MAGI2: variants seen among roughly 807,000 people sequenced by gnomAD.
The protein encoded by MAGI2 is membrane associated guanylate kinase, WW and PDZ domain containing 2, also known as membrane-associated guanylate kinase, WW and PDZ domain-containing protein 2.
A neutral mutation model predicts 133.3 loss-of-function variants in MAGI2; 35 were observed. The ratio of observed to expected loss-of-function variants is 0.26; its 90% confidence interval spans 0.20 to 0.35. MAGI2 has a LOEUF of 0.35. Ranked by LOEUF, MAGI2 falls within the 10% of genes least tolerant of loss-of-function variation. The pLI is 1.00. For missense variants in MAGI2, 1,636 were observed against 1,863.4 expected, an observed-to-expected ratio of 0.88 and a Z score of 2.25; for synonymous variants, 729 against 710.6, an observed-to-expected ratio of 1.03 and a Z score of -0.41.
intron 1 of MAGI2, among the ~76,000 whole-genome samples, chr7:79,301,242 G>A (rs1837375526): frequency 6.6e-6 from 1 of 152,216 alleles, no homozygotes; most frequent in East Asian, 1.9e-4. Context: ...AGATCCACTG[G>A]CAGCCTGGGC....
At chr7:78,570,482 G>A (rs983947132) in intron 3 of MAGI2, among the ~76,000 whole-genome samples, 3 of 152,138 alleles carry the variant, frequency 2.0e-5, no homozygotes, top group African/African-American at 7.2e-5. Flanking sequence ...GGGGAAGCAG[G>A]ACGAATCAAG....
At chr7:78,445,161 A>G (rs1788007090) in intron 6 of MAGI2, among the ~76,000 whole-genome samples, 1 of 151,868 alleles carries the variant, frequency 6.6e-6, no homozygotes, top group African/African-American at 2.4e-5. Context: ...CACTTTAGTC[A>G]CGTCTAGTGA....
At chr7:79,450,385 C>T (rs951705412) in intron 1 of MAGI2, among the ~76,000 whole-genome samples, 10 of 151,684 alleles carry the variant, frequency 6.6e-5, no homozygotes, top group South Asian at 4.2e-4. Context: ...TATGATTTGA[C>T]GAGGAAAAGA....
intron 7 of MAGI2, among the ~76,000 whole-genome samples, chr7:78,363,495 A>AAATAATAATGATAAT (rs1562890352): frequency 1.6e-5 from 2 of 122,368 alleles, no homozygotes; most frequent in East Asian, 4.2e-4. Context: ...TCCATCTCGA[A>AAATAATAATGATAAT]AATAATAATA....
intron 1 of MAGI2, among the ~76,000 whole-genome samples, chr7:79,340,014 C>T (rs80062179): frequency 0.029 from 4,450 of 152,150 alleles, 231 homozygotes; most frequent in African/African-American, 0.1. Flanking sequence ...AGCATTGACT[C>T]AGTTTTACTG....
chr7:78,735,916 T>C (rs575212091), intron 2 of MAGI2, among the ~76,000 whole-genome samples: 2 of 152,312 alleles, frequency 1.3e-5, no homozygotes, highest in South Asian at 2.1e-4. Flanking sequence ...GTAGACCGAA[T>C]GTGTGTGAGG....
At chr7:79,398,907 G>A (rs1845250151) in intron 1 of MAGI2, among the ~76,000 whole-genome samples, 1 of 151,980 alleles carries the variant, frequency 6.6e-6, no homozygotes, top group South Asian at 2.1e-4. Flanking sequence ...TAGCTTACTT[G>A]TTACTGCCTT....
intron 3 of MAGI2, among the ~76,000 whole-genome samples, chr7:78,624,749 G>A (rs549829834): frequency 8.6e-5 from 13 of 152,024 alleles, no homozygotes; most frequent in African/African-American, 2.4e-4. Flanking sequence ...ACTATGGCAC[G>A]TATTTACCTA....
chr7:78,991,806 AC>A (rs1805813703), intron 2 of MAGI2, among the ~76,000 whole-genome samples: 1 of 151,984 alleles, frequency 6.6e-6, no homozygotes, highest in African/African-American at 2.4e-5. Context: ...GAGACTTCAA[AC>A]CTTTTATAGG....
chr7:78,183,229 G>A (rs993884804), intron 13 of MAGI2, among the ~76,000 whole-genome samples: 1 of 151,492 alleles, frequency 6.6e-6, no homozygotes, highest in Admixed American at 6.6e-5. Context: ...CAAAAAACAT[G>A]GGGCATCTAC....
intron 10 of MAGI2, among the ~76,000 whole-genome samples, chr7:78,233,954 C>T (rs1418190237): frequency 6.6e-6 from 1 of 152,078 alleles, no homozygotes; most frequent in African/African-American, 2.4e-5. Context: ...ATTAGATTAG[C>T]TTCAGCTAAA....
chr7:78,270,653 A>C (rs1158236956), intron 9 of MAGI2, among the ~76,000 whole-genome samples: 1 of 151,966 alleles, frequency 6.6e-6, no homozygotes, highest in African/African-American at 2.4e-5. Flanking sequence ...CAGCTTAAGG[A>C]GATTTGGGGC....
At chr7:78,811,625 G>A (rs2151408425) in intron 2 of MAGI2, among the ~76,000 whole-genome samples, 1 of 152,200 alleles carries the variant, frequency 6.6e-6, no homozygotes, top group East Asian at 1.9e-4. Flanking sequence ...TCATTATCTA[G>A]CTTCAATTAT....
At chr7:78,436,361 T>C (rs1053245930) in intron 6 of MAGI2, among the ~76,000 whole-genome samples, 2 of 152,138 alleles carry the variant, frequency 1.3e-5, no homozygotes, top group Non-Finnish European at 2.9e-5. Flanking sequence ...AAATCAGACA[T>C]AGAGAGCCCT....
At chr7:79,083,869 T>C (rs1274688753) in intron 1 of MAGI2, among the ~76,000 whole-genome samples, 5 of 151,748 alleles carry the variant, frequency 3.3e-5, no homozygotes, top group African/African-American at 1.2e-4. Context: ...GTATTCATAT[T>C]TTCTATGTTT....
chr7:79,319,142 T>A (rs1360386351), intron 1 of MAGI2, among the ~76,000 whole-genome samples: 1 of 152,150 alleles, frequency 6.6e-6, no homozygotes, highest in African/African-American at 2.4e-5. Context: ...TTCCTGACTT[T>A]CCTGCATTTG....
chr7:78,256,212 A>G lies in MAGI2; in HGVS notation c.1778T>C (p.Met593Thr), dbSNP rs1792958269. Residue 593 changes from methionine to threonine, a missense_variant, in exon 10 of 22, where the codon ATG becomes ACG. This residue lies in a region of MAGI2 where 920 missense variants were observed against 1,093.5 expected (regional missense o/e 0.84). Coordinates refer to ENST00000354212, the MANE Select transcript of MAGI2 (RefSeq NM_012301.4). Reference sequence around the variant, plus strand: ...AGCTTGGGTGGCCCCAGATGAAGCCATAGACACATTGTCATCATGGACGGG... The same window carrying G: ...AGCTTGGGTGGCCCCAGATGAAGCCGTAGACACATTGTCATCATGGACGGG... ...PPPVHDDNVS[M>T]ASSGATQAEL... 3 of 1,613,964 alleles carry G rather than the reference A, an allele frequency of 1.9e-6. No homozygotes were observed. Among genetic ancestry groups the G allele is most frequent in the Non-Finnish European group, 2.5e-6 (3 of 1,180,018 alleles).
intron 4 of MAGI2, among the ~76,000 whole-genome samples, chr7:78,519,793 C>T (rs1796343758): frequency 6.6e-6 from 1 of 152,120 alleles, no homozygotes. Flanking sequence ...CAGGAATATA[C>T]TTTTTACATT....
chr7:79,309,764 G>T (rs144913145), intron 1 of MAGI2, among the ~76,000 whole-genome samples: 1 of 151,828 alleles, frequency 6.6e-6, no homozygotes, highest in East Asian at 1.9e-4. Flanking sequence ...ATGTATACTT[G>T]TGTTCATCAC....
Sources: gnomAD v4.1 joint callset for allele counts (sites outside exome capture counted in the v4.1 genomes callset) on GRCh38, gnomAD v4.1.1 for gene constraint, gnomAD v4.1.1 regional missense constraint, MANE v1.5 for transcripts, NCBI Gene and HGNC (gene_info 2026-07-23, HGNC 2026-07-21) for gene names.